The following ABRAXAS1 variants were observed in gnomAD, a reference collection of about 807,000 sequenced individuals.
ABRAXAS1 encodes abraxas 1, BRCA1 A complex subunit.
Under a neutral mutation model 38.4 loss-of-function variants are expected in ABRAXAS1, and 26 were observed. The observed-to-expected ratio is 0.68, with a 90% CI of 0.50 to 0.94. The LOEUF is 0.94. Among genes scored for constraint, ABRAXAS1 ranks in the 40% least tolerant of loss-of-function variants. The pLI is 0.00. For synonymous variants in ABRAXAS1, 144 were observed against 165.5 expected (o/e 0.87, Z 1.00); for missense variants, 438 against 481.9 (o/e 0.91, Z 0.85).
intron 1 of ABRAXAS1, chr4:83,484,044 A>AT: frequency 4.1e-6 from 4 of 982,288 alleles, no homozygotes; most frequent in Non-Finnish European, 4.8e-6. Context: ...TAATGTTTAG[A>AT]TTTTGTAGAG....
intron 7 of ABRAXAS1, among the ~76,000 whole-genome samples, chr4:83,465,807 A>T (rs1443045398): frequency 6.6e-6 from 1 of 152,100 alleles, no homozygotes; most frequent in African/African-American, 2.4e-5. Flanking sequence ...AGATGGTGAG[A>T]TTCTGGATGT....
At chr4:83,463,462 G>T in intron 8 of ABRAXAS1, 32 bp downstream of exon 8, 3 of 1,431,252 alleles carry the variant, frequency 2.1e-6, no homozygotes, top group Non-Finnish European at 1.9e-6. Flanking sequence ...AAAATTTTTA[G>T]CACAGAAAGT....
chr4:83,484,545 G>C (rs1391395862), intron 1 of ABRAXAS1, among the ~76,000 whole-genome samples: 2 of 152,110 alleles, frequency 1.3e-5, no homozygotes, highest in Non-Finnish European at 2.9e-5. Flanking sequence ...TCCTACCATC[G>C]CAACAAACAC....
chr4:83,483,277 CTTTTT>C (rs745707908), intron 1 of ABRAXAS1, among the ~76,000 whole-genome samples: 5 of 136,456 alleles, frequency 3.7e-5, no homozygotes, highest in Admixed American at 3.0e-4. Context: ...GATTTTATAT[CTTTTT>C]TTTTTTTTTT....
intron 8 of ABRAXAS1, among the ~76,000 whole-genome samples, 161 bp from the exon 9 acceptor site, chr4:83,463,063 G>GACA (rs1164457944): frequency 3.9e-5 from 6 of 152,184 alleles, no homozygotes; most frequent in Non-Finnish European, 7.3e-5. Flanking sequence ...ATATGCCACA[G>GACA]TATTCTAAGA....
chr4:83,459,846 C>G lies in ABRAXAS1; in HGVS notation c.*2623G>C, dbSNP rs769896078. On this transcript the variant is annotated 3_prime_UTR_variant, in exon 9 of 9. Transcript: ENST00000321945. ...ATATAAATGTAGATACGAATTATAT[C>G]AATCTATTTCTATCATTTAAGAAAA... 1 of 1,435,478 alleles carries G rather than the reference C, an allele frequency of 7.0e-7. No homozygotes were observed. The highest frequency in any genetic ancestry group is 1.2e-5 in the South Asian group (1 of 80,808). 88.9% of individuals were successfully genotyped at this position (1,435,478 alleles called of 1,614,324 possible).
chr4:83,475,253 T>A (rs1455915884), intron 3 of ABRAXAS1, among the ~76,000 whole-genome samples: 1 of 152,218 alleles, frequency 6.6e-6, no homozygotes, highest in South Asian at 2.1e-4. Flanking sequence ...AATATTTTTG[T>A]ATGTCCATTA....
chr4:83,480,407 TAC>T (rs200768949), intron 2 of ABRAXAS1: 24 of 387,144 alleles, frequency 6.2e-5, no homozygotes, highest in South Asian at 9.1e-5. Context: ...CACATATATA[TAC>T]ACACACACAT....
chr4:83,480,135 G>A (rs113958225), intron 2 of ABRAXAS1: 85 of 239,940 alleles, frequency 3.5e-4, no homozygotes, highest in African/African-American at 2.0e-3. Context: ...TTGGGAGGCC[G>A]AGGTGAGAGG....
At chr4:83,470,524 A>C in intron 4 of ABRAXAS1, 128 bp from the exon 5 acceptor site, 1 of 613,210 alleles carries the variant, frequency 1.6e-6, no homozygotes, top group Admixed American at 3.5e-5. Context: ...GGGCATATAT[A>C]AACAAAGAAT....
At position 83,473,958 on chromosome 4, in the gene ABRAXAS1, C is replaced by T. The variant is rs1722674731; in HGVS notation, c.216-1670G>A. Among the ~76,000 whole-genome samples the T allele has an allele frequency of 2.6e-5, 4 of 150,946 alleles. No homozygotes were observed. The South Asian group carries it at 8.4e-4, about 32-fold the overall frequency. On this transcript the variant is annotated intron_variant, in intron 3 of 8. Transcript: ENST00000321945. Reference sequence around the variant, plus strand: ...ACCAGCCTGGCCAACGTGGCAAAACCCCATCTCTACTAAAAATACACCAAC... The same window carrying T: ...ACCAGCCTGGCCAACGTGGCAAAACTCCATCTCTACTAAAAATACACCAAC...
At chr4:83,466,526 T>C (rs1403153644) in intron 7 of ABRAXAS1, among the ~76,000 whole-genome samples, 1 of 149,504 alleles carries the variant, frequency 6.7e-6, no homozygotes, top group Non-Finnish European at 1.5e-5. Flanking sequence ...AGAGCTGTTG[T>C]GAATTTCCAC....
At chr4:83,483,277 CTTTT>C (rs745707908) in intron 1 of ABRAXAS1, among the ~76,000 whole-genome samples, 2 of 136,450 alleles carry the variant, frequency 1.5e-5, no homozygotes, top group Non-Finnish European at 3.2e-5. Flanking sequence ...GATTTTATAT[CTTTT>C]TTTTTTTTTT....
chr4:83,485,090 C>A lies in ABRAXAS1; in HGVS notation c.-18G>T, dbSNP rs757257746. ...CCCTCCATGCTACCGCCGCCTCAGG[C>A]TACACAAGAGGACGAGGGCGGGGCG... On this transcript the variant is annotated 5_prime_UTR_variant, in exon 1 of 9. Transcript: ENST00000321945. 21 of 1,569,768 alleles carry A rather than the reference C, an allele frequency of 1.3e-5. No homozygotes were observed. The highest frequency in any genetic ancestry group is 4.9e-5 in the East Asian group (2 of 40,748).
Position 83,459,654 on chromosome 4 carries a change from A to T in ABRAXAS1, c.*2815T>A, listed in dbSNP as rs1034743668. The T allele has an allele frequency of 8.5e-7, 1 of 1,176,398 alleles. No homozygotes were observed. The highest frequency in any genetic ancestry group is 1.2e-6 in the Non-Finnish European group (1 of 804,540). 72.9% of individuals were successfully genotyped at this position (1,176,398 alleles called of 1,614,324 possible). A position where few individuals can be genotyped will look rare whatever the true frequency, so the allele number is the denominator to read the frequency against. On this transcript the variant is annotated 3_prime_UTR_variant, in exon 9 of 9. Transcript: ENST00000321945. Reference sequence around the variant, plus strand: ...CTGAAATTTAGTAAAGCTTTATATAACCTGAAGGTTGTTTTTTGAAATTTA... The same window carrying T: ...CTGAAATTTAGTAAAGCTTTATATATCCTGAAGGTTGTTTTTTGAAATTTA...
chr4:83,460,854 C>T lies in ABRAXAS1; in HGVS notation c.*1615G>A, dbSNP rs909372912. On this transcript the variant is annotated 3_prime_UTR_variant, in exon 9 of 9. Transcript: ENST00000321945. The stretch of plus-strand genomic sequence containing the variant: ...CTGGGTGGCGGAGGTTGCAGTGAGG[C>T]GAGAGAGCACCACTGTACTCCAGCC... 2.5e-5 allele frequency: 20 copies of T among 800,652 alleles called. No individual in the cohort carries two copies. Among genetic ancestry groups the T allele is most frequent in the African/African-American group, 5.3e-5 (3 of 56,582 alleles). The allele number at this position is 800,652 out of a possible 1,614,324, so 49.6% of individuals were successfully genotyped here.
intron 3 of ABRAXAS1, 134 bp downstream of exon 3, chr4:83,476,506 TAAA>T: frequency 2.0e-6 from 1 of 511,520 alleles, no homozygotes; most frequent in Non-Finnish European, 3.4e-6. Context: ...TTCAGCTATT[TAAA>T]AAAAACTTTC....
At chr4:83,477,154 T>TGG (rs1181679911) in intron 2 of ABRAXAS1, among the ~76,000 whole-genome samples, 1 of 152,218 alleles carries the variant, frequency 6.6e-6, no homozygotes, top group Non-Finnish European at 1.5e-5. Flanking sequence ...ACATCTGTGA[T>TGG]AATCCAACAT....
intron 2 of ABRAXAS1, chr4:83,478,117 G>A: frequency 1.2e-6 from 1 of 803,956 alleles, no homozygotes; most frequent in Non-Finnish European, 2.2e-6. Flanking sequence ...TTACTAAGAA[G>A]CACTTAATAT....
Sources: gnomAD v4.1 joint callset for allele counts (sites outside exome capture counted in the v4.1 genomes callset) on GRCh38, gnomAD v4.1.1 for gene constraint, MANE v1.5 for transcripts, NCBI Gene and HGNC (gene_info 2026-07-23, HGNC 2026-07-21) for gene names.